The following TIAM1 variants were observed in gnomAD, a reference collection of about 807,000 sequenced individuals.
TIAM1 encodes the protein rho guanine nucleotide exchange factor TIAM1.
Under a neutral mutation model 163.5 loss-of-function variants are expected in TIAM1, and 65 were observed. The observed-to-expected ratio is 0.40, with a 90% CI of 0.33 to 0.49. The LOEUF is 0.49. Ranked by LOEUF, TIAM1 falls within the 20% of genes least tolerant of loss-of-function variation. The pLI is 0.77. For synonymous variants in TIAM1, 833 were observed against 810.1 expected, an observed-to-expected ratio of 1.03 and a Z score of -0.48; for missense variants, 1,789 against 2,044.7, an observed-to-expected ratio of 0.87 and a Z score of 2.41.
intron 2 of TIAM1, among the ~76,000 whole-genome samples, chr21:31,401,544 C>A (rs778802125): frequency 6.6e-6 from 1 of 152,190 alleles, no homozygotes; most frequent in African/African-American, 2.4e-5. Context: ...CTGGGCAAGT[C>A]TGAGACCACC....
In TIAM1 at chr21:31,298,786, G is replaced by GAGA. The variant is rs1251182561; in HGVS notation, c.-188-21879_-188-21878insTCT. ...TGTGTGTGAGAAACAGAGAGAGAGA[G>GAGA]AAAAAAAAACAATGAGAGAGAGAGA... On this transcript the variant is annotated intron_variant, in intron 2 of 27. Coordinates refer to ENST00000541036, the MANE Select transcript of TIAM1 (RefSeq NM_001353694.2). Among the ~76,000 whole-genome samples the GAGA allele has an allele frequency of 4.5e-5, 6 of 132,330 alleles. No individual in the cohort carries two copies. The East Asian group carries it at 1.1e-3, about 24-fold the overall frequency. The allele number at this position is 132,330 out of a possible 152,430, so 86.8% of individuals were successfully genotyped here.
intron 2 of TIAM1, among the ~76,000 whole-genome samples, chr21:31,406,249 C>T (rs8131630): frequency 1.3e-5 from 2 of 150,660 alleles, no homozygotes; most frequent in Admixed American, 1.3e-4. Flanking sequence ...ATCCAGACAT[C>T]ATTATAATTT....
chr21:31,348,706 C>T (rs568749915), upstream of TIAM1, among the ~76,000 whole-genome samples: 9 of 152,262 alleles, frequency 5.9e-5, no homozygotes, highest in South Asian at 2.1e-4. Flanking sequence ...CTTGGGAATA[C>T]GGACATGTTT....
chr21:31,152,021 C>A (rs1294887761), intron 19 of TIAM1, among the ~76,000 whole-genome samples: 1 of 112,306 alleles, frequency 8.9e-6, no homozygotes, highest in Non-Finnish European at 1.7e-5. Flanking sequence ...CCAGAAGTGC[C>A]TTTTTTTTTT....
intron 2 of TIAM1, among the ~76,000 whole-genome samples, chr21:31,459,076 T>C (rs1368408611): frequency 1.3e-5 from 2 of 152,048 alleles, no homozygotes; most frequent in Admixed American, 6.6e-5. Flanking sequence ...TGGGAAGCCA[T>C]TGGAAGTTCA....
chr21:31,450,187 A>T (rs1449138643), intron 2 of TIAM1, among the ~76,000 whole-genome samples: 1 of 152,118 alleles, frequency 6.6e-6, no homozygotes, highest in African/African-American at 2.4e-5. Context: ...AATATACAAG[A>T]CAACTCTGTA....
intron 16 of TIAM1, among the ~76,000 whole-genome samples, chr21:31,164,390 A>T (rs973345354): frequency 9.4e-6 from 1 of 106,174 alleles, no homozygotes; most frequent in Non-Finnish European, 1.6e-5. Flanking sequence ...ACTCCATCTC[A>T]AAAAAAAAAA....
chr21:31,451,469 T>C (rs1281841464), intron 2 of TIAM1, among the ~76,000 whole-genome samples: 1 of 152,170 alleles, frequency 6.6e-6, no homozygotes, highest in Non-Finnish European at 1.5e-5. Flanking sequence ...CCAATTTCAA[T>C]GACCTTGATG....
At position 31,296,795 on chromosome 21, in the gene TIAM1, C is replaced by T. The variant is rs1321120938; in HGVS notation, c.-188-19887G>A. On this transcript the variant is annotated intron_variant, in intron 2 of 27. Coordinates refer to ENST00000541036, the MANE Select transcript of TIAM1 (RefSeq NM_001353694.2). ...TCTCCTGCCTCAGCCTCCAGAGTAGCTGGGACTACAGGCATGTGCCACCAC... is the reference window on the plus strand; with the variant it reads ...TCTCCTGCCTCAGCCTCCAGAGTAGTTGGGACTACAGGCATGTGCCACCAC... 2.6e-5 allele frequency among the ~76,000 whole-genome samples: 4 copies of T among 152,170 alleles called. No individual in the cohort carries two copies. In the East Asian group the frequency reaches 5.8e-4, roughly 22 times the overall value.
intron 23 of TIAM1, among the ~76,000 whole-genome samples, chr21:31,135,704 G>A (rs2082593283): frequency 1.3e-5 from 2 of 152,084 alleles, no homozygotes; most frequent in African/African-American, 4.8e-5. Context: ...GATAGACTTG[G>A]GCACAGCCAT....
chr21:31,260,169 T>C, intron 4 of TIAM1, among the ~76,000 whole-genome samples: 1 of 147,434 alleles, frequency 6.8e-6, no homozygotes, highest in East Asian at 1.9e-4. Flanking sequence ...AAAAAATATA[T>C]TTTTAATATA....
chr21:31,153,927 G>T (rs913314800), intron 17 of TIAM1, among the ~76,000 whole-genome samples: 10 of 152,002 alleles, frequency 6.6e-5, no homozygotes, highest in Non-Finnish European at 1.5e-4. Context: ...GGCTGGGCAT[G>T]GTGGCATGCA....
At chr21:31,244,963 T>C (rs2071414256) in intron 6 of TIAM1, among the ~76,000 whole-genome samples, 1 of 152,168 alleles carries the variant, frequency 6.6e-6, no homozygotes, top group Non-Finnish European at 1.5e-5. Flanking sequence ...GAAGTATTTT[T>C]TTTAAAAAAT....
rs188607908 is a variant in TIAM1 at position 31,287,792 on chromosome 21, T to A, written c.-188-10884A>T. ...GCTACACAAAGGAACTGAACATGAT[T>A]GTATTTGATGGGATTACACGATGAG... On this transcript the variant is annotated intron_variant, in intron 2 of 27. Transcript: ENST00000541036. Among the ~76,000 whole-genome samples the A allele has an allele frequency of 1.4e-3, 216 of 152,286 alleles. 1 individual carries two copies. Among genetic ancestry groups the A allele is most frequent in the Non-Finnish European group, 2.6e-3 (174 of 68,032 alleles).
At chr21:31,202,873 C>CA in intron 12 of TIAM1, 35 bp downstream of exon 12, 1 of 1,563,070 alleles carries the variant, frequency 6.4e-7, no homozygotes, top group Non-Finnish European at 8.8e-7. Context: ...GATAATCTCC[C>CA]ATAAAGTGTG....
At position 31,247,450 on chromosome 21, in the gene TIAM1, A is replaced by G. The variant is rs150737864; in HGVS notation, c.1412-1790T>C. The stretch of plus-strand genomic sequence containing the variant: ...CCCACTGTTGCTCAGGCTGGAGTAC[A>G]GTGGCACAATCATAGCTCACTGCAG... On this transcript the variant is annotated intron_variant, in intron 5 of 27. Transcript: ENST00000541036. 1.5e-3 allele frequency among the ~76,000 whole-genome samples: 228 copies of G among 152,222 alleles called. 1 individual carries two copies. The highest frequency in any genetic ancestry group is 6.8e-3 in the Middle Eastern group (2 of 294).
intron 19 of TIAM1, among the ~76,000 whole-genome samples, chr21:31,148,004 C>CCAAA (rs71318256): frequency 7.8e-5 from 5 of 63,806 alleles, no homozygotes; most frequent in African/African-American, 2.9e-4. Context: ...TGTCCATGAC[C>CCAAA]AAAAAAAAAA....
intron 2 of TIAM1, among the ~76,000 whole-genome samples, chr21:31,439,254 A>C (rs1159849368): frequency 1.3e-5 from 2 of 152,200 alleles, no homozygotes; most frequent in Non-Finnish European, 2.9e-5. Context: ...CCACAGAAGA[A>C]TAACAGAAAC....
intron 15 of TIAM1, among the ~76,000 whole-genome samples, chr21:31,177,453 A>G (rs1036503464): frequency 6.6e-6 from 1 of 152,172 alleles, no homozygotes; most frequent in Non-Finnish European, 1.5e-5. Flanking sequence ...CTAAAAATAC[A>G]AAATTTAGCC....
Sources: allele counts gnomAD v4.1 joint callset (sites outside exome capture counted in the v4.1 genomes callset), GRCh38; gene constraint gnomAD v4.1.1; transcripts MANE v1.5; gene names NCBI Gene and HGNC (gene_info 2026-07-23, HGNC 2026-07-21).